Variants in TFB2M observed in about 807,000 individuals in gnomAD.
The protein encoded by TFB2M is transcription factor B2, mitochondrial.
In TFB2M, 44 loss-of-function variants were observed where a neutral mutation model predicts 41.3. That is an observed-to-expected ratio of 1.07 (90% CI 0.84 to 1.37). TFB2M has a LOEUF of 1.37. TFB2M is among the 40% of genes most tolerant of loss of function. TFB2M has a pLI of 0.00. For synonymous variants in TFB2M, 188 were observed against 176.8 expected, an observed-to-expected ratio of 1.06 and a Z score of -0.50; for missense variants, 496 against 490.2, an observed-to-expected ratio of 1.01 and a Z score of -0.11.
chr1:246,548,034 T>C (rs143439912), intron 6 of TFB2M, among the ~76,000 whole-genome samples: 339 of 151,882 alleles, frequency 2.2e-3, no homozygotes, highest in African/African-American at 7.9e-3. Flanking sequence ...GCAACCTCTG[T>C]CTGCCAGGTT....
At position 246,559,495 on chromosome 1, in the gene TFB2M, G is replaced by C. The variant is rs148584395; in HGVS notation, c.403-1961C>G. On this transcript the variant is annotated intron_variant, in intron 2 of 7. Transcript: ENST00000366514. ...ACCCAGGAGGCAGGGGTTGCAGAGAGCTGAGATTGCACCACTGCACTCTAG... is the reference window on the plus strand; with the variant it reads ...ACCCAGGAGGCAGGGGTTGCAGAGACCTGAGATTGCACCACTGCACTCTAG... Among the ~76,000 whole-genome samples the C allele has an allele frequency of 1.3e-3, 200 of 152,296 alleles. 1 individual carries two copies. The highest frequency in any genetic ancestry group is 4.6e-3 in the African/African-American group (191 of 41,546).
In TFB2M at chr1:246,549,093, T is replaced by C. The variant is rs185201017; in HGVS notation, c.796-486A>G. 6.4e-3 allele frequency among the ~76,000 whole-genome samples: 981 copies of C among 152,310 alleles called. 6 individuals carry two copies. Among genetic ancestry groups the C allele is most frequent in the African/African-American group, 0.022 (925 of 41,570 alleles). On this transcript the variant is annotated intron_variant, in intron 5 of 7. Coordinates refer to ENST00000366514, the MANE Select transcript of TFB2M (RefSeq NM_022366.3). Reference sequence around the variant, plus strand: ...GTTCATGCCTATAATCCCAGCACTTTGGGAGGCCAAAGTGGGAGGGTTGCT... The same window carrying C: ...GTTCATGCCTATAATCCCAGCACTTCGGGAGGCCAAAGTGGGAGGGTTGCT...
chr1:246,546,983 A>ACACACACACACACACACACACACACAC (rs764498048), intron 6 of TFB2M, among the ~76,000 whole-genome samples: 5 of 127,180 alleles, frequency 3.9e-5, no homozygotes, highest in African/African-American at 1.5e-4. Context: ...ACACACACAC[A>ACACACACACACACACACACACACACAC]TTTTTTTTTT....
chr1:246,565,803 A>C (rs1275932326), intron 1 of TFB2M, 23 bp downstream of exon 1: 2 of 1,585,816 alleles, frequency 1.3e-6, no homozygotes, highest in South Asian at 2.2e-5. Context: ...ACATCCAAGA[A>C]AATGCAATTC....
intron 6 of TFB2M, among the ~76,000 whole-genome samples, chr1:246,544,981 A>T (rs866622117): frequency 2.0e-5 from 3 of 151,770 alleles, no homozygotes; most frequent in Non-Finnish European, 4.4e-5. Flanking sequence ...AATTTTTTGT[A>T]TTTTTAGTAG....
At chr1:246,546,656 A>C (rs911958387) in intron 6 of TFB2M, among the ~76,000 whole-genome samples, 4 of 151,754 alleles carry the variant, frequency 2.6e-5, no homozygotes, top group Non-Finnish European at 4.4e-5. Flanking sequence ...AAAAAAAAAA[A>C]AACCCAAACA....
chr1:246,559,344 T>C (rs1659397935), intron 2 of TFB2M, among the ~76,000 whole-genome samples: 1 of 151,604 alleles, frequency 6.6e-6, no homozygotes, highest in South Asian at 2.1e-4. Flanking sequence ...AGGTCAGGAG[T>C]TTGAGATGAG....
Position 246,557,400 on chromosome 1 carries a change from T to C in TFB2M, c.537A>G (p.Glu179=). The change falls in exon 3 of 8, where the codon GAA becomes GAG. Residue 179 remains glutamate, a synonymous_variant. Coordinates refer to ENST00000366514, the MANE Select transcript of TFB2M (RefSeq NM_022366.3). ...AATGACCTGCTGTCCAAGGAACTGC[T>C]TCTATTCCCAAATTCTTAAAGAGCC... is the stretch of plus-strand genomic sequence containing the variant. ...SRGLFKNLGI[E]AVPWTADIPL... The C allele has an allele frequency of 1.9e-6, 3 of 1,612,594 alleles. No individual in the cohort carries two copies. In the South Asian group the frequency reaches 3.3e-5, roughly 18 times the overall value.
Position 246,544,666 on chromosome 1 carries a change from A to G in TFB2M, c.874T>C (p.Leu292=). 1 of 1,595,656 alleles carries G rather than the reference A, an allele frequency of 6.3e-7. No homozygotes were observed. Among genetic ancestry groups the G allele is most frequent in the African/African-American group, 1.4e-5 (1 of 73,586 alleles). Reference sequence around the variant, plus strand: ...TGAATAAGATACAGCTTTTGTTGTAATTGGTCTAATAATTCCTGGAGAGAA... The same window carrying G: ...TGAATAAGATACAGCTTTTGTTGTAGTTGGTCTAATAATTCCTGGAGAGAA... ...NPKRRELLDQ[L]QQKLYLIQMI... The change falls in exon 7 of 8, where the codon TTA becomes CTA. Residue 292 remains leucine (L), a synonymous_variant. Coordinates refer to ENST00000366514, the MANE Select transcript of TFB2M (RefSeq NM_022366.3).
chr1:246,546,094 C>T (rs1045290102), intron 6 of TFB2M, among the ~76,000 whole-genome samples: 4 of 152,058 alleles, frequency 2.6e-5, no homozygotes, highest in Admixed American at 6.5e-5. Flanking sequence ...GCAGGAGGAT[C>T]GCTGGAGCCC....
chr1:246,548,784 G>C (rs1049057332), intron 5 of TFB2M, among the ~76,000 whole-genome samples, 177 bp from the exon 6 acceptor site: 2 of 152,158 alleles, frequency 1.3e-5, no homozygotes, highest in African/African-American at 4.8e-5. Flanking sequence ...TTTTTTTAAA[G>C]AGGAGGAGGA....
chr1:246,542,924 T>TA (rs1658902818), intron 7 of TFB2M, among the ~76,000 whole-genome samples: 4 of 142,192 alleles, frequency 2.8e-5, no homozygotes, highest in Admixed American at 7.4e-5. Flanking sequence ...TTTTTAGAGA[T>TA]AGAGTCTTGC....
Position 246,544,644 on chromosome 1 carries a change from A to G in TFB2M, c.896T>C (p.Ile299Thr), listed in dbSNP as rs1358690115. The change falls in exon 7 of 8, where the codon ATT becomes ACT. Residue 299 changes from isoleucine (I) to threonine (T), a missense_variant. Coordinates refer to ENST00000366514, the MANE Select transcript of TFB2M (RefSeq NM_022366.3). ...LDQLQQKLYL[I>T]QMIPRQNLFT... ...TAAATTTTGACGAGGAATCATTTGAATAAGATACAGCTTTTGTTGTAATTG... is the reference window on the plus strand; with the variant it reads ...TAAATTTTGACGAGGAATCATTTGAGTAAGATACAGCTTTTGTTGTAATTG... The G allele has an allele frequency of 3.1e-6, 5 of 1,606,762 alleles. No individual in the cohort carries two copies. Among genetic ancestry groups the G allele is most frequent in the Non-Finnish European group, 4.2e-6 (5 of 1,178,368 alleles).
intron 6 of TFB2M, 148 bp downstream of exon 6, chr1:246,548,397 A>G: frequency 1.7e-6 from 1 of 601,890 alleles, no homozygotes. Context: ...CTTTTGATTC[A>G]TTAAAAGTAG....
intron 7 of TFB2M, among the ~76,000 whole-genome samples, chr1:246,543,820 A>G (rs181475839): frequency 7.9e-5 from 12 of 152,262 alleles, no homozygotes; most frequent in East Asian, 1.9e-4. Flanking sequence ...TAAAAATTTT[A>G]TATTTTTACA....
At chr1:246,556,755 A>C in intron 3 of TFB2M, 34 bp from the exon 4 acceptor site, 1 of 1,516,872 alleles carries the variant, frequency 6.6e-7, no homozygotes, top group Non-Finnish European at 8.8e-7. Context: ...ATTTGAATAA[A>C]GTTCTTAGCA....
intron 6 of TFB2M, among the ~76,000 whole-genome samples, chr1:246,546,563 A>C (rs1322198511): frequency 1.3e-5 from 2 of 150,488 alleles, no homozygotes; most frequent in African/African-American, 4.9e-5. Context: ...GCAATGAGCC[A>C]AGATCATGCC....
chr1:246,548,745 A>G, intron 5 of TFB2M, 138 bp from the exon 6 acceptor site: 2 of 672,632 alleles, frequency 3.0e-6, no homozygotes, highest in Non-Finnish European at 2.4e-6. Context: ...AACATGTTAT[A>G]GCTAAATAAT....
At chr1:246,542,659 G>A (rs747966372) in intron 7 of TFB2M, among the ~76,000 whole-genome samples, 4 of 152,170 alleles carry the variant, frequency 2.6e-5, no homozygotes, top group Non-Finnish European at 5.9e-5. Flanking sequence ...GCAACAGAGT[G>A]AGACTCTCTG....
Sources: allele counts gnomAD v4.1 joint callset (sites outside exome capture counted in the v4.1 genomes callset), GRCh38; gene constraint gnomAD v4.1.1; transcripts MANE v1.5; gene names NCBI Gene and HGNC (gene_info 2026-07-23, HGNC 2026-07-21).